The following STIM1 variants were observed in gnomAD, a reference collection of about 807,000 sequenced individuals.
STIM1 encodes the protein stromal interaction molecule 1.
Under a neutral mutation model 74.7 loss-of-function variants are expected in STIM1, and 25 were observed. The ratio of observed to expected loss-of-function variants is 0.33; its 90% CI spans 0.24 to 0.47. STIM1 has a LOEUF of 0.47. Among genes scored for constraint, STIM1 ranks in the 20% least tolerant of loss-of-function variants. STIM1 has a pLI of 1.00. For synonymous variants in STIM1, 328 were observed against 348.8 expected, an observed-to-expected ratio of 0.94 and a Z score of 0.66; for missense variants, 728 against 920.8, an observed-to-expected ratio of 0.79 and a Z score of 2.71.
At chr11:3,992,949 T>A (rs893425208) in intron 2 of STIM1, among the ~76,000 whole-genome samples, 2 of 152,024 alleles carry the variant, frequency 1.3e-5, no homozygotes, top group Non-Finnish European at 2.9e-5. Context: ...TTAAAACATA[T>A]CCAAAATAGA....
At chr11:3,900,579 C>T (rs539160103) in intron 1 of STIM1, among the ~76,000 whole-genome samples, 199 of 152,286 alleles carry the variant, frequency 1.3e-3, no homozygotes, top group African/African-American at 4.5e-3. Context: ...CATCTTGGCT[C>T]CCGACCTGTT....
At chr11:3,992,257 C>T (rs7940437) in intron 2 of STIM1, among the ~76,000 whole-genome samples, 114,933 of 149,702 alleles carry the variant, frequency 0.77, 45,206 homozygotes, top group South Asian at 0.9. Context: ...AAAAAAAAAA[C>T]ACAAAAATTA....
At chr11:3,882,003 T>C (rs2091526841) in intron 1 of STIM1, among the ~76,000 whole-genome samples, 1 of 151,812 alleles carries the variant, frequency 6.6e-6, no homozygotes, top group South Asian at 2.1e-4. Flanking sequence ...GATCATATGA[T>C]GTATTGTGTC....
At chr11:3,997,683 C>A (rs897757951) in intron 2 of STIM1, among the ~76,000 whole-genome samples, 1 of 152,064 alleles carries the variant, frequency 6.6e-6, no homozygotes, top group Non-Finnish European at 1.5e-5. Flanking sequence ...AAGCCTGGTA[C>A]TGTCAGAGAG....
At chr11:3,896,146 C>T (rs1416780363) in intron 1 of STIM1, among the ~76,000 whole-genome samples, 2 of 152,000 alleles carry the variant, frequency 1.3e-5, no homozygotes, top group African/African-American at 4.8e-5. Context: ...TCTCGTGATC[C>T]GCCCACCTCG....
intron 1 of STIM1, among the ~76,000 whole-genome samples, chr11:3,868,969 TTC>T (rs2090971665): frequency 6.6e-6 from 1 of 152,140 alleles, no homozygotes; most frequent in African/African-American, 2.4e-5. Context: ...ACCTATTCTT[TTC>T]TCTCTCTTTT....
Position 4,086,529 on chromosome 11 carries a change from C to T in STIM1, c.1620C>T (p.Gly540=), listed in dbSNP as rs768520523. The change falls in exon 12 of 13, where the codon GGC becomes GGT. Residue 540 remains glycine, a synonymous_variant. Transcript: ENST00000526596. Reference sequence around the variant, plus strand: ...AGCGCCTGACGGAGCCACAGCATGGCCTGGGATCTCAGAGGTTGGTAGAGG... The same window carrying T: ...AGCGCCTGACGGAGCCACAGCATGGTCTGGGATCTCAGAGGTTGGTAGAGG... ...VRQRLTEPQH[G]LGSQRDLTHS... 10 of 1,614,076 alleles carry T rather than the reference C, an allele frequency of 6.2e-6. No individual in the cohort carries two copies. Among genetic ancestry groups the T allele is most frequent in the Non-Finnish European group, 8.5e-6 (10 of 1,180,046 alleles).
At chr11:3,917,150 A>G (rs931916072) in intron 1 of STIM1, among the ~76,000 whole-genome samples, 8 of 152,090 alleles carry the variant, frequency 5.3e-5, no homozygotes, top group African/African-American at 1.9e-4. Flanking sequence ...GCTTGTCTGT[A>G]TCTCAGCCTG....
At chr11:4,083,663 A>G (rs1244479713) in intron 10 of STIM1, 165 bp downstream of exon 10, 1 of 695,462 alleles carries the variant, frequency 1.4e-6, no homozygotes, top group African/African-American at 1.8e-5. Context: ...TTATTTCTTT[A>G]TAGTTGTCCT....
intron 6 of STIM1, among the ~76,000 whole-genome samples, chr11:4,072,182 G>A (rs1243912878): frequency 6.6e-6 from 1 of 152,114 alleles, no homozygotes; most frequent in Admixed American, 6.5e-5. Context: ...GACCACTGTG[G>A]CACTTAGAAA....
chr11:3,892,687 G>A, intron 1 of STIM1: 2 of 1,612,656 alleles, frequency 1.2e-6, no homozygotes, highest in East Asian at 2.2e-5. Flanking sequence ...TATGGTGTGT[G>A]AAGTCACCAC....
At chr11:4,087,552 G>A (rs1053024795) in intron 12 of STIM1, among the ~76,000 whole-genome samples, 1 of 152,120 alleles carries the variant, frequency 6.6e-6, no homozygotes, top group African/African-American at 2.4e-5. Flanking sequence ...AATGACGAAG[G>A]CTCCGAAAGG....
chr11:3,950,681 A>G (rs551147605), intron 1 of STIM1, among the ~76,000 whole-genome samples: 1 of 152,210 alleles, frequency 6.6e-6, no homozygotes, highest in Admixed American at 6.5e-5. Context: ...GCTGGAGTGC[A>G]GTAGTACGAT....
At chr11:4,041,867 G>C (rs951513437) in intron 3 of STIM1, among the ~76,000 whole-genome samples, 9 of 152,204 alleles carry the variant, frequency 5.9e-5, no homozygotes, top group Non-Finnish European at 1.3e-4. Context: ...GATTATAGGT[G>C]TGAGCCACCG....
chr11:4,056,602 T>C (rs55970555), intron 4 of STIM1, among the ~76,000 whole-genome samples: 2,174 of 152,326 alleles, frequency 0.014, 21 homozygotes, highest in Middle Eastern at 0.024. Flanking sequence ...AAGGTGAAGC[T>C]GTTGGAATGC....
At chr11:3,858,236 T>G (rs1169369486) in intron 1 of STIM1, among the ~76,000 whole-genome samples, 2 of 139,612 alleles carry the variant, frequency 1.4e-5, no homozygotes, top group Non-Finnish European at 3.3e-5. Context: ...TAGGAAGGTT[T>G]TTTTTTTTTT....
intron 2 of STIM1, among the ~76,000 whole-genome samples, chr11:3,979,383 T>A (rs2093479725): frequency 6.6e-6 from 1 of 152,204 alleles, no homozygotes; most frequent in Non-Finnish European, 1.5e-5. Flanking sequence ...TCCTTTAACT[T>A]CCTGTACCTA....
intron 1 of STIM1, among the ~76,000 whole-genome samples, chr11:3,949,739 G>A (rs1049991250): frequency 2.6e-5 from 4 of 152,196 alleles, no homozygotes; most frequent in African/African-American, 9.7e-5. Flanking sequence ...AATATGGAGA[G>A]ATCACTGGAA....
intron 1 of STIM1, among the ~76,000 whole-genome samples, chr11:3,897,740 C>T (rs917203973): frequency 2.0e-5 from 3 of 152,046 alleles, no homozygotes; most frequent in Non-Finnish European, 2.9e-5. Context: ...GTTCAATTCC[C>T]ACCTATGAGT....
Sources: gnomAD v4.1 joint callset for allele counts (sites outside exome capture counted in the v4.1 genomes callset) on GRCh38, gnomAD v4.1.1 for gene constraint, MANE v1.5 for transcripts, NCBI Gene and HGNC (gene_info 2026-07-23, HGNC 2026-07-21) for gene names.